The following ANKRD29 variants were observed in gnomAD, a reference collection of about 807,000 sequenced individuals.
ANKRD29 encodes ankyrin repeat domain 29.
A neutral mutation model predicts 38.0 loss-of-function variants in ANKRD29; 32 were observed. That is an observed-to-expected ratio of 0.84 (90% CI 0.64 to 1.13). ANKRD29 has a LOEUF of 1.13. Ranked by LOEUF, ANKRD29 falls within the 50% of genes most tolerant of loss-of-function variation. The pLI is 0.00. For synonymous variants in ANKRD29, 135 were observed against 152.4 expected, an observed-to-expected ratio of 0.89 and a Z score of 0.84; for missense variants, 357 against 377.9, an observed-to-expected ratio of 0.94 and a Z score of 0.46.
intron 1 of ANKRD29, among the ~76,000 whole-genome samples, chr18:23,650,320 A>AT (rs1048914533): frequency 4.7e-4 from 72 of 151,918 alleles, no homozygotes; most frequent in African/African-American, 1.7e-3. Flanking sequence ...TAATTATTTT[A>AT]TTTTTTGTAG....
At chr18:23,658,204 G>C (rs2060309108) in intron 1 of ANKRD29, among the ~76,000 whole-genome samples, 1 of 152,088 alleles carries the variant, frequency 6.6e-6, no homozygotes, top group Non-Finnish European at 1.5e-5. Context: ...CCAGGAGTCT[G>C]AGATCAGCCT....
chr18:23,616,551 T>TAA, intron 8 of ANKRD29, among the ~76,000 whole-genome samples: 1 of 53,202 alleles, frequency 1.9e-5, no homozygotes, highest in Non-Finnish European at 3.3e-5. Flanking sequence ...ATATATATAG[T>TAA]ATATATATAT....
At chr18:23,655,965 C>T (rs1445353569) in intron 1 of ANKRD29, among the ~76,000 whole-genome samples, 10 of 149,778 alleles carry the variant, frequency 6.7e-5, no homozygotes, top group African/African-American at 1.7e-4. Context: ...TAGTGGTGGG[C>T]GCCTGTAGTC....
intron 1 of ANKRD29, among the ~76,000 whole-genome samples, chr18:23,661,644 A>T (rs2145747695): frequency 6.6e-6 from 1 of 152,290 alleles, no homozygotes; most frequent in South Asian, 2.1e-4. Flanking sequence ...GGGAGGCGGA[A>T]GTTGCAGTGA....
chr18:23,611,795 C>T (rs765367850), intron 9 of ANKRD29, among the ~76,000 whole-genome samples: 1 of 151,814 alleles, frequency 6.6e-6, no homozygotes, highest in East Asian at 1.9e-4. Flanking sequence ...GTCAGGGTTT[C>T]GTACATAGCA....
At chr18:23,628,756 C>G (rs2059892338) in intron 6 of ANKRD29, among the ~76,000 whole-genome samples, 1 of 151,268 alleles carries the variant, frequency 6.6e-6, no homozygotes, top group Non-Finnish European at 1.5e-5. Context: ...GGCACAAGAA[C>G]CCAGGAGGCG....
rs2060081207 is a variant in ANKRD29, at chr18:23,641,785, A to T, written c.232-2838T>A. 2.0e-5 allele frequency among the ~76,000 whole-genome samples: 3 copies of T among 152,204 alleles called. No homozygotes were observed. In the South Asian group the frequency reaches 6.2e-4, roughly 31 times the overall value. The stretch of plus-strand genomic sequence containing the variant: ...GTCCCGACTACCAGCTGCTGGAAGG[A>T]TCTACCCATTGTGGGTCTCCTGTCC... On this transcript the variant is annotated intron_variant, in intron 3 of 9. Transcript: ENST00000592179.
In ANKRD29 at chr18:23,601,083, C is replaced by T. The variant is rs1235627967; in HGVS notation, c.*143G>A. The T allele has an allele frequency of 5.7e-6, 4 of 702,154 alleles. No homozygotes were observed. The highest frequency in any genetic ancestry group is 1.8e-5 in the African/African-American group (1 of 55,348). 43.5% of individuals were successfully genotyped at this position (702,154 alleles called of 1,614,324 possible). ...TCTTGACTTCGTGCACAGAGCGTAGCTCTTCTTTGTCAGGGACCCACAGGA... is the reference window on the plus strand; with the variant it reads ...TCTTGACTTCGTGCACAGAGCGTAGTTCTTCTTTGTCAGGGACCCACAGGA... On this transcript the variant is annotated 3_prime_UTR_variant, in exon 10 of 10. Coordinates refer to ENST00000592179, the MANE Select transcript of ANKRD29 (RefSeq NM_173505.4).
chr18:23,653,591 C>T (rs7228079), intron 1 of ANKRD29, among the ~76,000 whole-genome samples: 2 of 150,100 alleles, frequency 1.3e-5, no homozygotes, highest in African/African-American at 4.9e-5. Flanking sequence ...TAAAGGAAGG[C>T]CCCTCCTCTC....
chr18:23,610,631 T>C (rs959889161), intron 9 of ANKRD29, among the ~76,000 whole-genome samples: 1 of 151,704 alleles, frequency 6.6e-6, no homozygotes, highest in Non-Finnish European at 1.5e-5. Context: ...CACATCTCTA[T>C]AAAAAGAAAA....
intron 1 of ANKRD29, among the ~76,000 whole-genome samples, chr18:23,653,614 C>T (rs1275728834): frequency 6.6e-6 from 1 of 150,664 alleles, no homozygotes; most frequent in African/African-American, 2.4e-5. Flanking sequence ...CTCTCCTTCC[C>T]TTCCCTCTTC....
At chr18:23,639,686 C>T (rs879599875) in intron 3 of ANKRD29, among the ~76,000 whole-genome samples, 2 of 152,036 alleles carry the variant, frequency 1.3e-5, no homozygotes, top group Non-Finnish European at 1.5e-5. Flanking sequence ...CAGGCGTGCA[C>T]CCCCACATCT....
At chr18:23,614,985 C>G (rs1414571693) in intron 8 of ANKRD29, among the ~76,000 whole-genome samples, 1 of 152,090 alleles carries the variant, frequency 6.6e-6, no homozygotes, top group Non-Finnish European at 1.5e-5. Flanking sequence ...AAACCACAGC[C>G]TGCAAATCAA....
intron 4 of ANKRD29, among the ~76,000 whole-genome samples, chr18:23,636,666 C>T (rs1229079752): frequency 3.9e-5 from 6 of 152,176 alleles, no homozygotes; most frequent in African/African-American, 1.2e-4. Flanking sequence ...CTTGACCTCC[C>T]AGGCTCAAGC....
chr18:23,645,518 G>T (rs1172279988), intron 3 of ANKRD29, among the ~76,000 whole-genome samples: 1 of 152,152 alleles, frequency 6.6e-6, no homozygotes, highest in East Asian at 1.9e-4. Flanking sequence ...GAGGTTGCAT[G>T]AGCCGAGGTT....
intron 1 of ANKRD29, 112 bp downstream of exon 1, chr18:23,662,598 C>T: frequency 6.5e-6 from 5 of 765,752 alleles, no homozygotes; most frequent in South Asian, 4.8e-5. Context: ...GAGGAGGCGG[C>T]GGGCAGCGGG....
chr18:23,650,866 T>C (rs1319648563), intron 1 of ANKRD29, among the ~76,000 whole-genome samples: 1 of 152,252 alleles, frequency 6.6e-6, no homozygotes, highest in Non-Finnish European at 1.5e-5. Flanking sequence ...GTATTGGTAC[T>C]AATAAAGAAT....
At chr18:23,612,283 G>A (rs530883447) in intron 8 of ANKRD29, 93 bp from the exon 9 acceptor site, 2 of 1,126,786 alleles carry the variant, frequency 1.8e-6, no homozygotes, top group South Asian at 1.4e-5. Flanking sequence ...TGATAAGACT[G>A]TAACCTCATA....
chr18:23,614,176 C>T (rs1311954071), intron 8 of ANKRD29, among the ~76,000 whole-genome samples: 2 of 152,040 alleles, frequency 1.3e-5, no homozygotes, highest in Non-Finnish European at 2.9e-5. Context: ...GTTCTCCTGC[C>T]TCAAACTCCT....
Sources: allele counts gnomAD v4.1 joint callset (sites outside exome capture counted in the v4.1 genomes callset), GRCh38; gene constraint gnomAD v4.1.1; transcripts MANE v1.5; gene names NCBI Gene and HGNC (gene_info 2026-07-23, HGNC 2026-07-21).